HTR7: variants seen among roughly 807,000 people sequenced by gnomAD.
HTR7 encodes the protein 5-HT-7.
A neutral mutation model predicts 34.0 loss-of-function variants in HTR7; 16 were observed. The ratio of observed to expected loss-of-function variants is 0.47; its 90% CI spans 0.32 to 0.71. The LOEUF is 0.71. Among genes scored for constraint, HTR7 ranks in the 30% least tolerant of loss-of-function variants. The probability of loss-of-function intolerance (pLI) is 0.04; values close to 1 mark genes in which losing one functional copy is unlikely to be tolerated. For synonymous variants in HTR7, 265 were observed against 260.2 expected (o/e 1.02, Z -0.18); for missense variants, 504 against 625.5 (o/e 0.81, Z 2.07).
chr10:90,803,218 G>C (rs1351565911), intron 1 of HTR7, among the ~76,000 whole-genome samples: 2 of 152,078 alleles, frequency 1.3e-5, no homozygotes, highest in Admixed American at 1.3e-4. Flanking sequence ...ACACTTGGAA[G>C]AGGGCCAAGC....
chr10:90,756,298 AAGTAAGTG>A (rs1844831981), intron 1 of HTR7, among the ~76,000 whole-genome samples: 1 of 152,206 alleles, frequency 6.6e-6, no homozygotes, highest in South Asian at 2.1e-4. Context: ...ACCTTGTAGA[AAGTAAGTG>A]AGCTATTCAG....
At chr10:90,827,949 T>G (rs1475244852) in intron 1 of HTR7, among the ~76,000 whole-genome samples, 1 of 152,172 alleles carries the variant, frequency 6.6e-6, no homozygotes, top group Non-Finnish European at 1.5e-5. Flanking sequence ...TTCTCAAGGA[T>G]AGACCATATA....
intron 1 of HTR7, among the ~76,000 whole-genome samples, chr10:90,830,657 G>A (rs922620839): frequency 6.6e-6 from 1 of 151,956 alleles, no homozygotes; most frequent in African/African-American, 2.4e-5. Context: ...GTGTGGTGGT[G>A]CGTGCTTGTA....
intron 1 of HTR7, among the ~76,000 whole-genome samples, chr10:90,804,569 TGAGCAAAAC>T (rs1226522988): frequency 6.6e-6 from 1 of 152,084 alleles, no homozygotes; most frequent in Non-Finnish European, 1.5e-5. Flanking sequence ...GCTCAGCAGC[TGAGCAAAAC>T]GAGCCACCAC....
intron 1 of HTR7, among the ~76,000 whole-genome samples, chr10:90,752,043 A>G (rs1844747033): frequency 6.6e-6 from 1 of 152,216 alleles, no homozygotes; most frequent in South Asian, 2.1e-4. Context: ...CCCTGGATGT[A>G]CAAATTATAT....
intron 1 of HTR7, among the ~76,000 whole-genome samples, chr10:90,761,884 A>G (rs1844943043): frequency 6.6e-6 from 1 of 152,120 alleles, no homozygotes; most frequent in Non-Finnish European, 1.5e-5. Flanking sequence ...ATTATGCAGT[A>G]TTTGTCTTTC....
At chr10:90,821,371 GT>G (rs1845978608) in intron 1 of HTR7, among the ~76,000 whole-genome samples, 2 of 152,170 alleles carry the variant, frequency 1.3e-5, no homozygotes. Flanking sequence ...TTGGAACTCA[GT>G]GCTGTCTGTC....
chr10:90,811,069 G>A (rs535275669), intron 1 of HTR7, among the ~76,000 whole-genome samples: 16 of 152,160 alleles, frequency 1.1e-4, no homozygotes, highest in African/African-American at 3.6e-4. Context: ...TCCTTTTTCC[G>A]TTCCTTGAAG....
rs1480697541 is a variant in HTR7, at chr10:90,828,961, G to T, written c.539+28172C>A. On this transcript the variant is annotated intron_variant, in intron 1 of 3. Transcript: ENST00000336152. ...AGAAAGAAAGAAAAAAAAAGTACAGGCTAATATCCCTGATGAATATTGAAG... is the reference window on the plus strand; with the variant it reads ...AGAAAGAAAGAAAAAAAAAGTACAGTCTAATATCCCTGATGAATATTGAAG... 2.0e-5 allele frequency among the ~76,000 whole-genome samples: 3 copies of T among 151,684 alleles called. No individual in the cohort carries two copies. The East Asian group carries it at 5.8e-4, about 29-fold the overall frequency.
intron 1 of HTR7, among the ~76,000 whole-genome samples, chr10:90,787,567 G>A (rs192432759): frequency 1.4e-4 from 22 of 152,218 alleles, no homozygotes; most frequent in African/African-American, 5.3e-4. Flanking sequence ...GTAGCTGTGG[G>A]TGGGGATTTA....
chr10:90,769,086 T>C (rs912198777), intron 1 of HTR7, among the ~76,000 whole-genome samples: 1 of 152,236 alleles, frequency 6.6e-6, no homozygotes, highest in Non-Finnish European at 1.5e-5. Context: ...CCCAGAGCCA[T>C]CTTTGCAGAA....
At position 90,857,826 on chromosome 10, in the gene HTR7, C is replaced by T. The variant is rs1390068832; in HGVS notation, c.-155G>A. On this transcript the variant is annotated 5_prime_UTR_variant, in exon 1 of 4. Coordinates refer to ENST00000336152, the MANE Select transcript of HTR7 (RefSeq NM_019859.4). The surrounding 1 kb of genome is among the most constrained non-coding windows in gnomAD (Gnocchi z 6.5). Reference sequence around the variant, plus strand: ...GGGGCGCCTGGCTCTGTCTCGGAGCCCCGCACTCCCCGGACCCCCGGCCGC... The same window carrying T: ...GGGGCGCCTGGCTCTGTCTCGGAGCTCCGCACTCCCCGGACCCCCGGCCGC... 9.1e-6 allele frequency: 6 copies of T among 659,550 alleles called. No homozygotes were observed. Among genetic ancestry groups the T allele is most frequent in the African/African-American group, 1.9e-5 (1 of 52,352 alleles). 40.9% of individuals were successfully genotyped at this position (659,550 alleles called of 1,614,324 possible).
At chr10:90,751,285 G>C (rs1215526422) in intron 1 of HTR7, among the ~76,000 whole-genome samples, 1 of 152,148 alleles carries the variant, frequency 6.6e-6, no homozygotes, top group Non-Finnish European at 1.5e-5. Context: ...TAACTCAGAA[G>C]AAGAGAGGGA....
At chr10:90,765,522 T>C (rs1459510986) in intron 1 of HTR7, among the ~76,000 whole-genome samples, 2 of 140,522 alleles carry the variant, frequency 1.4e-5, no homozygotes, top group Non-Finnish European at 3.1e-5. Flanking sequence ...CTAGTCTATT[T>C]CATTTTTTTT....
intron 1 of HTR7, among the ~76,000 whole-genome samples, chr10:90,754,920 A>C (rs141711909): frequency 6.6e-6 from 1 of 152,334 alleles, no homozygotes; most frequent in African/African-American, 2.4e-5. Context: ...CCTCCCTTGC[A>C]GTTGGCAAAA....
chr10:90,749,512 G>A lies in HTR7; in HGVS notation c.622C>T (p.Leu208Phe). The A allele has an allele frequency of 6.2e-7, 1 of 1,614,130 alleles. No individual in the cohort carries two copies. Reference protein sequence around the residue: ...CMAKMILSVWLLSASITLPPL... With the variant: ...CMAKMILSVWFLSASITLPPL... ...GGTAAGGTGATGGAGGCGGAGAGAA[G>A]CCAGACGGAGAGAATCATCTTCGCC... The change falls in exon 2 of 4, where the codon CTT (leucine) becomes TTT (phenylalanine). Residue 208 changes from leucine to phenylalanine, a missense_variant. This residue lies in a region of HTR7 where 154 missense variants were observed against 248.8 expected (regional missense o/e 0.62). Coordinates refer to ENST00000336152, the MANE Select transcript of HTR7 (RefSeq NM_019859.4). The surrounding 1 kb of genome is among the most constrained non-coding windows in gnomAD (Gnocchi z 4.2).
intron 1 of HTR7, among the ~76,000 whole-genome samples, chr10:90,779,972 C>A (rs1348125358): frequency 6.6e-6 from 1 of 152,218 alleles, no homozygotes; most frequent in East Asian, 1.9e-4. Context: ...CCCTCCAGCC[C>A]TGCATGCAGG....
chr10:90,759,212 T>C (rs1437921548), intron 1 of HTR7, among the ~76,000 whole-genome samples: 1 of 85,212 alleles, frequency 1.2e-5, no homozygotes, highest in African/African-American at 5.4e-5. Flanking sequence ...AAAAGTGAAA[T>C]AGCATTATGC....
chr10:90,831,584 G>T (rs1327858321), intron 1 of HTR7, among the ~76,000 whole-genome samples: 1 of 152,216 alleles, frequency 6.6e-6, no homozygotes, highest in Admixed American at 6.5e-5. Flanking sequence ...GGTTGCCACT[G>T]CTGGCTCGCG....
Sources: gnomAD v4.1 joint callset for allele counts (sites outside exome capture counted in the v4.1 genomes callset) on GRCh38, gnomAD v4.1.1 for gene constraint, gnomAD v4.1.1 regional missense constraint, Gnocchi (gnomAD v3.1) non-coding constraint, MANE v1.5 for transcripts, NCBI Gene and HGNC (gene_info 2026-07-23, HGNC 2026-07-21) for gene names.